ANKRD24: variants seen among roughly 807,000 people sequenced by gnomAD.
ANKRD24 encodes the protein ankyrin repeat domain 24, also known as ankyrin repeat domain-containing protein 24.
In ANKRD24, 109 loss-of-function variants were observed where a neutral mutation model predicts 127.8. That is an observed-to-expected ratio of 0.85 (90% CI 0.73 to 1.00). The LOEUF (loss-of-function observed/expected upper bound fraction) is 1.00. Among genes scored for constraint, ANKRD24 ranks in the 50% least tolerant of loss-of-function variants. ANKRD24 has a pLI of 0.00. For missense variants in ANKRD24, 1,648 were observed against 1,570.2 expected, an observed-to-expected ratio of 1.05 and a Z score of -0.84; for synonymous variants, 743 against 671.1, an observed-to-expected ratio of 1.11 and a Z score of -1.66.
chr19:4,216,298 C>G lies in ANKRD24; in HGVS notation c.1285C>G (p.Leu429Val). ...LPDLPGAEVLLSRQLSPSAQE... is the reference protein window; with the variant it reads ...LPDLPGAEVLVSRQLSPSAQE... ...TCCCCCTCCAGGGGCCGAGGTGCTGCTGTCCAGACAACTCAGTCCGTCGGC... is the reference window on the plus strand; with the variant it reads ...TCCCCCTCCAGGGGCCGAGGTGCTGGTGTCCAGACAACTCAGTCCGTCGGC... The change falls in exon 17 of 22, where the codon CTG becomes GTG. Residue 429 changes from leucine (L) to valine (V), a missense_variant. Transcript: ENST00000318934. The G allele has an allele frequency of 1.9e-6, 3 of 1,555,420 alleles. No individual in the cohort carries two copies. The highest frequency in any genetic ancestry group is 2.6e-6 in the Non-Finnish European group (3 of 1,149,264).
chr19:4,198,564 C>T lies in ANKRD24; in HGVS notation c.37-1119C>T, dbSNP rs887447931. On this transcript the variant is annotated intron_variant, in intron 2 of 21. Transcript: ENST00000318934. This position sits in a 1 kb window ranked among gnomAD's most constrained non-coding sequence, Gnocchi z 6.1. ...CCCGGGGAGGGGGCGCAGGAGCGGG[C>T]GGGGCGCGGGTACCTCCTCTCCCCT... 3.1e-4 allele frequency: 158 copies of T among 503,462 alleles called. 1 individual carries two copies. The highest frequency in any genetic ancestry group is 2.9e-3 in the African/African-American group (145 of 50,026). 31.2% of individuals were successfully genotyped at this position (503,462 alleles called of 1,614,324 possible).
chr19:4,219,545 T>C, intron 18 of ANKRD24, 46 bp from the exon 19 acceptor site: 1 of 1,554,226 alleles, frequency 6.4e-7, no homozygotes, highest in Non-Finnish European at 8.7e-7. Context: ...TCTAGCATCA[T>C]TGGAGTCTTA....
chr19:4,216,968 G>A lies in ANKRD24; in HGVS notation c.1808G>A (p.Gly603Glu). Residue 603 changes from glycine (G) to glutamate (E), a missense_variant, in exon 18 of 22, where the codon GGG (glycine) becomes GAG (glutamate). Transcript: ENST00000318934. ...GAKVTETKPT[G>E]AEVREMETTE... ...AAGGTCACAGAAACAAAACCCACAG[G>A]GGCTGAGGTCAGAGAAATGGAGACC... 1 of 1,612,762 alleles carries A rather than the reference G, an allele frequency of 6.2e-7. No homozygotes were observed. Among genetic ancestry groups the A allele is most frequent in the Non-Finnish European group, 8.5e-7 (1 of 1,179,498 alleles).
chr19:4,218,225 G>A, intron 18 of ANKRD24, 62 bp downstream of exon 18: 1 of 1,381,920 alleles, frequency 7.2e-7, no homozygotes, highest in Non-Finnish European at 9.4e-7. Context: ...GCCTGTTTTA[G>A]CCCCGCAGCC....
chr19:4,192,526 A>G (rs1968444101), intron 2 of ANKRD24, among the ~76,000 whole-genome samples: 1 of 150,046 alleles, frequency 6.7e-6, no homozygotes, highest in Non-Finnish European at 1.5e-5. Flanking sequence ...TCGTATTTTC[A>G]TTTTTCACCG....
chr19:4,198,294 G>A lies in ANKRD24; in HGVS notation c.37-1389G>A, dbSNP rs1968876062. 2 of 430,288 alleles carry A rather than the reference G, an allele frequency of 4.6e-6. No homozygotes were observed. Among genetic ancestry groups the A allele is most frequent in the African/African-American group, 4.1e-5 (2 of 48,594 alleles). 26.7% of individuals were successfully genotyped at this position (430,288 alleles called of 1,614,324 possible). A position where few individuals can be genotyped will look rare whatever the true frequency, so the allele number is the denominator to read the frequency against. ...TACCTGGGTCTTCCCATTCCATCCC[G>A]TGGGGGAGGGGGCTGGCGAGGAGGG... On this transcript the variant is annotated intron_variant, in intron 2 of 21. Coordinates refer to ENST00000318934, the MANE Select transcript of ANKRD24 (RefSeq NM_001393985.1). The surrounding 1 kb of genome is among the most constrained non-coding windows in gnomAD (Gnocchi z 6.1).
At chr19:4,207,018 G>A (rs557695226) in intron 7 of ANKRD24, 52 of 573,404 alleles carry the variant, frequency 9.1e-5, no homozygotes, top group South Asian at 7.1e-4. Context: ...CGGTCCTCCC[G>A]CTTCAGCTGG....
At chr19:4,185,722 C>G (rs1221809015) in intron 1 of ANKRD24, among the ~76,000 whole-genome samples, 1 of 152,234 alleles carries the variant, frequency 6.6e-6, no homozygotes, top group Non-Finnish European at 1.5e-5. Context: ...TTCCCTCTGA[C>G]TATGTAGCAA....
Position 4,216,314 on chromosome 19 carries a change from G to T in ANKRD24, c.1301G>T (p.Ser434Ile), listed in dbSNP as rs887260578. 4.5e-6 allele frequency: 7 copies of T among 1,559,544 alleles called. No individual in the cohort carries two copies. The African/African-American group carries it at 9.5e-5, about 21-fold the overall frequency. ...GAEVLLSRQL[S>I]PSAQEHLASL... Reference sequence around the variant, plus strand: ...GAGGTGCTGCTGTCCAGACAACTCAGTCCGTCGGCCCAGGAACACCTGGCC... The same window carrying T: ...GAGGTGCTGCTGTCCAGACAACTCATTCCGTCGGCCCAGGAACACCTGGCC... Residue 434 changes from serine (S) to isoleucine (I), a missense_variant, in exon 17 of 22, where the codon AGT becomes ATT. Transcript: ENST00000318934.
intron 7 of ANKRD24, among the ~76,000 whole-genome samples, chr19:4,203,956 CCTT>C (rs1485422244): frequency 4.6e-5 from 6 of 130,540 alleles, no homozygotes; most frequent in African/African-American, 1.7e-4. Context: ...GGCCCTTCTC[CCTT>C]TTTTTTTTTT....
intron 2 of ANKRD24, among the ~76,000 whole-genome samples, chr19:4,192,514 C>G (rs1315915817): frequency 6.6e-6 from 1 of 150,964 alleles, no homozygotes; most frequent in East Asian, 2.0e-4. Flanking sequence ...CCCGGCCAGG[C>G]CTCGTATTTT....
At position 4,191,686 on chromosome 19, in the gene ANKRD24, T is replaced by G. The variant is rs192893928; in HGVS notation, c.36+5225T>G. On this transcript the variant is annotated intron_variant, in intron 2 of 21. Transcript: ENST00000318934. ...TAGTAGAGACGGGGTTTCATCATGT[T>G]GGCCAGGTTGGTCTCGAACTCCTGA... Among the ~76,000 whole-genome samples the G allele has an allele frequency of 1.8e-3, 272 of 151,910 alleles. 1 individual carries two copies. The highest frequency in any genetic ancestry group is 2.0e-3 in the Non-Finnish European group (136 of 68,004).
At chr19:4,202,187 AT>A (rs1389131856) in intron 6 of ANKRD24, 97 bp downstream of exon 6, 3 of 1,181,810 alleles carry the variant, frequency 2.5e-6, no homozygotes, top group African/African-American at 3.0e-5. Context: ...AATCCTAGAT[AT>A]TCCTTGGCCC....
rs578034963 is a variant in ANKRD24 at position 4,190,338 on chromosome 19, G to A, written c.36+3877G>A. On this transcript the variant is annotated intron_variant, in intron 2 of 21. Transcript: ENST00000318934. ...TAGTCCCAGCTACTCGGGAGGCTGA[G>A]GCATGAACCTGGGAGGTGGAGCTTG... 9.2e-5 allele frequency among the ~76,000 whole-genome samples: 14 copies of A among 151,886 alleles called. No individual in the cohort carries two copies. The East Asian group carries it at 2.7e-3, about 29-fold the overall frequency.
chr19:4,203,450 G>A (rs191874968), intron 7 of ANKRD24, among the ~76,000 whole-genome samples: 5 of 151,610 alleles, frequency 3.3e-5, no homozygotes, highest in African/African-American at 7.3e-5. Flanking sequence ...GGGTTCAAAC[G>A]ATCCTCCTGC....
chr19:4,199,770 G>A lies in ANKRD24; in HGVS notation c.123+1G>A. 6.5e-7 allele frequency: 1 copy of A among 1,536,674 alleles called. No individual in the cohort carries two copies. The highest frequency in any genetic ancestry group is 8.7e-7 in the Non-Finnish European group (1 of 1,143,544). On this transcript the variant is annotated splice_donor_variant, in intron 3 of 21. Transcript: ENST00000318934. LOFTEE classifies it high-confidence loss of function. The surrounding 1 kb of genome is among the most constrained non-coding windows in gnomAD (Gnocchi z 5.2). ...GCCGGCAGCCAGAGGCAGGCGCCAG[G>A]CAAGTGCCCAGGGGCAGGTGGTGAG...
Position 4,186,446 on chromosome 19 carries a change from A to G in ANKRD24, c.21A>G (p.Arg7=). 1 of 1,593,848 alleles carries G rather than the reference A, an allele frequency of 6.3e-7. No individual in the cohort carries two copies. The highest frequency in any genetic ancestry group is 8.5e-7 in the Non-Finnish European group (1 of 1,170,264). MKTLRA[R]FKKTELRLSP... ...CAACTATGAAGACTCTCAGGGCGCGATTTAAGAAGACAGAGGTGAGTGTGA... is the reference window on the plus strand; with the variant it reads ...CAACTATGAAGACTCTCAGGGCGCGGTTTAAGAAGACAGAGGTGAGTGTGA... Residue 7 remains arginine (R), a synonymous_variant, in exon 2 of 22, where the codon CGA becomes CGG. Coordinates refer to ENST00000318934, the MANE Select transcript of ANKRD24 (RefSeq NM_001393985.1).
At chr19:4,193,837 G>A (rs562301) in intron 2 of ANKRD24, among the ~76,000 whole-genome samples, 2,585 of 6,230 alleles carry the variant, frequency 0.41, 340 homozygotes, top group Middle Eastern at 0.45. Context: ...ACTCCGTCGG[G>A]AGGGAGGGAG....
Position 4,217,305 on chromosome 19 carries a change from A to G in ANKRD24, c.2145A>G (p.Ala715=). Residue 715 remains alanine (A), a synonymous_variant, in exon 18 of 22, where the codon GCA becomes GCG. Coordinates refer to ENST00000318934, the MANE Select transcript of ANKRD24 (RefSeq NM_001393985.1). ...SAGPILHPGA[A]EASEKLQVEL... The stretch of plus-strand genomic sequence containing the variant: ...GCCCCATCCTACATCCTGGTGCCGC[A>G]GAGGCCTCGGAAAAGCTTCAAGTAG... The G allele has an allele frequency of 6.4e-7, 1 of 1,553,422 alleles. No homozygotes were observed. The highest frequency in any genetic ancestry group is 8.7e-7 in the Non-Finnish European group (1 of 1,148,098).
Sources: gnomAD v4.1 joint callset for allele counts (sites outside exome capture counted in the v4.1 genomes callset) on GRCh38, gnomAD v4.1.1 for gene constraint, Gnocchi (gnomAD v3.1) non-coding constraint, MANE v1.5 for transcripts, NCBI Gene and HGNC (gene_info 2026-07-23, HGNC 2026-07-21) for gene names.